Variants in CFAP46 observed in about 807,000 individuals in gnomAD.
CFAP46 encodes cilia and flagella associated protein 46.
In CFAP46, 245 loss-of-function variants were observed where a neutral mutation model predicts 325.7. The observed-to-expected ratio is 0.75, with a 90% CI of 0.68 to 0.84. The LOEUF (loss-of-function observed/expected upper bound fraction) is 0.84. Among genes scored for constraint, CFAP46 ranks in the 40% least tolerant of loss-of-function variants. The pLI, the probability that CFAP46 is intolerant of heterozygous loss-of-function variation, is 0.00. For missense variants in CFAP46, 3,346 were observed against 3,543.0 expected (o/e 0.94, Z 1.41); for synonymous variants, 1,523 against 1,495.9 (o/e 1.02, Z -0.42).
Position 132,939,690 on chromosome 10 carries a change from G to A in CFAP46, c.372-937C>T, listed in dbSNP as rs372344307. On this transcript the variant is annotated intron_variant, in intron 4 of 57. Coordinates refer to ENST00000368586, the MANE Select transcript of CFAP46 (RefSeq NM_001200049.3). This position sits in a 1 kb window ranked among gnomAD's most constrained non-coding sequence, Gnocchi z 4.6. ...GAGGTGCGGGGTGTCCTGACCAGAC[G>A]GTCACGCCTGCTTGAGTCAGAGGGG... 5.9e-5 allele frequency among the ~76,000 whole-genome samples: 9 copies of A among 152,216 alleles called. No homozygotes were observed. The highest frequency in any genetic ancestry group is 2.2e-4 in the African/African-American group (9 of 41,532).
chr10:132,820,936 CTGA>C (rs1255244873), intron 50 of CFAP46, among the ~76,000 whole-genome samples: 26 of 89,636 alleles, frequency 2.9e-4, no homozygotes, highest in African/African-American at 8.1e-4. Flanking sequence ...TGTGTGTGCG[CTGA>C]TGTGTGCTGT....
At chr10:132,883,580 C>T (rs1026916399) in intron 27 of CFAP46, among the ~76,000 whole-genome samples, 8 of 152,254 alleles carry the variant, frequency 5.3e-5, no homozygotes, top group Admixed American at 1.3e-4. Flanking sequence ...TGGCCCCACA[C>T]AGGGCGACCG....
In CFAP46 at chr10:132,899,044, A is replaced by G; in HGVS notation, c.3134T>C (p.Leu1045Pro). The G allele has an allele frequency of 6.4e-7, 1 of 1,550,622 alleles. No individual in the cohort carries two copies. The highest frequency in any genetic ancestry group is 1.2e-5 in the South Asian group (1 of 84,064). The change falls in exon 24 of 58, where the codon CTG becomes CCG. Residue 1045 changes from leucine (L) to proline (P), a missense_variant. Leu to Pro is a moderately conservative substitution (Grantham distance 98). Coordinates refer to ENST00000368586, the MANE Select transcript of CFAP46 (RefSeq NM_001200049.3). ...RHYWNAWLPL[L>P]SSAVYRKKAK... The stretch of plus-strand genomic sequence containing the variant: ...CTTCTTCCTGTAGACGGCTGAGGAC[A>G]GCAGTGGGAGCCAGGCGTTCCAGTA...
chr10:132,833,044 C>G (rs183825739), intron 50 of CFAP46, among the ~76,000 whole-genome samples: 34 of 151,862 alleles, frequency 2.2e-4, no homozygotes, highest in African/African-American at 8.2e-4. Context: ...GCCATCTCAG[C>G]TCCCCAAAGC....
At position 132,941,014 on chromosome 10, in the gene CFAP46, A is replaced by G. The variant is rs1850089824; in HGVS notation, c.353T>C (p.Phe118Ser). 6.2e-7 allele frequency: 1 copy of G among 1,614,062 alleles called. No individual in the cohort carries two copies. The highest frequency in any genetic ancestry group is 8.5e-7 in the Non-Finnish European group (1 of 1,180,032). Residue 118 changes from phenylalanine to serine, a missense_variant, in exon 4 of 58, where the codon TTT becomes TCT. By Grantham distance (155) the Phe-to-Ser change is radical (BLOSUM62 -2). Coordinates refer to ENST00000368586, the MANE Select transcript of CFAP46 (RefSeq NM_001200049.3). The stretch of plus-strand genomic sequence containing the variant: ...TGCCTACCTCGGTTCTCCTTTGGCA[A>G]AGTTTATGGCCTTCATGTACTCAGT... ...CVTEYMKAIN[F>S]AKGEPRYYFL...
At chr10:132,897,412 C>T (rs747557620) in intron 24 of CFAP46, among the ~76,000 whole-genome samples, 12 of 152,228 alleles carry the variant, frequency 7.9e-5, no homozygotes, top group Non-Finnish European at 1.3e-4. Context: ...CATGAACCTC[C>T]GTCTGCTACG....
In CFAP46 at chr10:132,859,144, C is replaced by T; in HGVS notation, c.5302G>A (p.Glu1768Lys). ...KEMDDGLLEIERKFIDCGCKE... is the reference protein window; with the variant it reads ...KEMDDGLLEIKRKFIDCGCKE... ...CAGCCACAGTCGATAAACTTTCTCT[C>T]AATTTCCAACAGGCCATCATCCATC... is the stretch of plus-strand genomic sequence containing the variant. The change falls in exon 38 of 58, where the codon GAG becomes AAG. Residue 1768 changes from glutamate to lysine, a missense_variant. By Grantham distance (56) the Glu-to-Lys change is moderately conservative. Transcript: ENST00000368586. 3 of 1,550,986 alleles carry T rather than the reference C, an allele frequency of 1.9e-6. No individual in the cohort carries two copies. The highest frequency in any genetic ancestry group is 2.6e-6 in the Non-Finnish European group (3 of 1,147,088).
Position 132,817,589 on chromosome 10 carries a change from G to A in CFAP46, c.7118-2675C>T, listed in dbSNP as rs1280330987. 1.3e-5 allele frequency among the ~76,000 whole-genome samples: 2 copies of A among 152,102 alleles called. No individual in the cohort carries two copies. Among genetic ancestry groups the A allele is most frequent in the Non-Finnish European group, 1.5e-5 (1 of 68,012 alleles). ...CTCATTCATTCTTCCTTCTCTATTT[G>A]TTGGGAGTTTGCACACCGACTCTCT... On this transcript the variant is annotated intron_variant, in intron 50 of 57. Transcript: ENST00000368586. This position sits in a 1 kb window ranked among gnomAD's most constrained non-coding sequence, Gnocchi z 4.4.
chr10:132,899,321 G>A (rs1045864114), intron 23 of CFAP46, among the ~76,000 whole-genome samples, 200 bp from the exon 24 acceptor site: 1 of 152,304 alleles, frequency 6.6e-6, no homozygotes, highest in East Asian at 1.9e-4. Context: ...CCCCACCAAG[G>A]CCAGGCTGTA....
intron 54 of CFAP46, among the ~76,000 whole-genome samples, chr10:132,813,896 GGCAGCCCCTGCT>G: frequency 6.6e-6 from 1 of 152,312 alleles, no homozygotes; most frequent in East Asian, 1.9e-4. Context: ...CTGGTGAAGA[GGCAGCCCCTGCT>G]GCTGGACCAT....
In CFAP46 at chr10:132,939,700, G is replaced by C. The variant is rs372173593; in HGVS notation, c.372-947C>G. ...GTGTCCTGACCAGACGGTCACGCCT[G>C]CTTGAGTCAGAGGGGTCATCATGGG... On this transcript the variant is annotated intron_variant, in intron 4 of 57. Transcript: ENST00000368586. The surrounding 1 kb of genome is among the most constrained non-coding windows in gnomAD (Gnocchi z 4.6). Among the ~76,000 whole-genome samples the C allele has an allele frequency of 2.0e-5, 3 of 152,158 alleles. No homozygotes were observed. Among genetic ancestry groups the C allele is most frequent in the Non-Finnish European group, 4.4e-5 (3 of 68,026 alleles).
intron 3 of CFAP46, 46 bp downstream of exon 3, chr10:132,941,545 G>A: frequency 1.3e-6 from 2 of 1,587,470 alleles, no homozygotes; most frequent in Middle Eastern, 1.7e-4. Context: ...TGGAGATGGG[G>A]TGAAAATTGA....
In CFAP46 at chr10:132,938,798, C is replaced by A. The variant is rs761081436; in HGVS notation, c.372-45G>T. ...AGCAGAGAGCACGCTCAAAGCCCAG[C>A]CGGCCCAAGCTGCAGAACCAAGGGG... On this transcript the variant is annotated intron_variant, in intron 4 of 57. Transcript: ENST00000368586. 6.3e-6 allele frequency: 10 copies of A among 1,578,890 alleles called. No homozygotes were observed. In the East Asian group the frequency reaches 2.0e-4, roughly 32 times the overall value.
At chr10:132,870,326 G>A (rs999939730) in intron 32 of CFAP46, among the ~76,000 whole-genome samples, 3 of 152,064 alleles carry the variant, frequency 2.0e-5, no homozygotes, top group African/African-American at 7.3e-5. Flanking sequence ...CCCTACGATG[G>A]GCTCTTAAGT....
At chr10:132,918,604 T>C (rs1849673694) in intron 15 of CFAP46, 84 bp from the exon 16 acceptor site, 1 of 1,438,872 alleles carries the variant, frequency 6.9e-7, no homozygotes, top group Non-Finnish European at 9.2e-7. Flanking sequence ...CATCTTGGAG[T>C]GCCTGAGCCT....
At chr10:132,922,809 A>G in intron 11 of CFAP46, 101 bp from the exon 12 acceptor site, 2 of 948,700 alleles carry the variant, frequency 2.1e-6, no homozygotes, top group Non-Finnish European at 3.2e-6. Context: ...CCCAGAGTGT[A>G]GGGCAGGCTT....
chr10:132,924,541 G>C (rs4075502), intron 11 of CFAP46, among the ~76,000 whole-genome samples, 155 bp downstream of exon 11: 80,768 of 152,146 alleles, frequency 0.53, 22,001 homozygotes, highest in African/African-American at 0.63. Context: ...TGCCTGGCCC[G>C]GAGCTGGGAC....
Position 132,882,117 on chromosome 10 carries a change from T to TGTGGG in CFAP46, c.3628-1086_3628-1085insCCCAC. ...TGGGATGTGGGGTGTGTGTGGTCTG[T>TGTGGG]ATGGGATGTGGGGTGTGAGTGGTGT... On this transcript the variant is annotated intron_variant, in intron 27 of 57. Transcript: ENST00000368586. 7.2e-5 allele frequency among the ~76,000 whole-genome samples: 10 copies of TGTGGG among 139,380 alleles called. 3 individuals carry two copies. The highest frequency in any genetic ancestry group is 2.2e-4 in the African/African-American group (8 of 35,972). 91.4% of individuals were successfully genotyped at this position (139,380 alleles called of 152,430 possible). A position where few individuals can be genotyped will look rare whatever the true frequency, so the allele number is the denominator to read the frequency against.
intron 38 of CFAP46, 65 bp from the exon 39 acceptor site, chr10:132,857,853 C>A (rs1296330277): frequency 1.3e-5 from 17 of 1,267,464 alleles, no homozygotes; most frequent in Non-Finnish European, 1.7e-5. Flanking sequence ...TTTAATATGT[C>A]ATTTTCTATC....
Sources: allele counts gnomAD v4.1 joint callset (sites outside exome capture counted in the v4.1 genomes callset), GRCh38; gene constraint gnomAD v4.1.1; non-coding constraint Gnocchi (gnomAD v3.1); transcripts MANE v1.5; gene names NCBI Gene and HGNC (gene_info 2026-07-23, HGNC 2026-07-21).